CCNE2: variants seen among roughly 807,000 people sequenced by gnomAD.
The protein encoded by CCNE2 is cyclin E2, also known as G1/S-specific cyclin-E2.
In CCNE2, 18 loss-of-function variants were observed where a neutral mutation model predicts 56.8. The observed-to-expected ratio is 0.32, with a 90% CI of 0.22 to 0.47. CCNE2 has a LOEUF of 0.47. Ranked by LOEUF, CCNE2 falls within the 20% of genes least tolerant of loss-of-function variation. The probability of loss-of-function intolerance (pLI) is 1.00; values close to 1 mark genes in which losing one functional copy is unlikely to be tolerated. For missense variants in CCNE2, 371 were observed against 467.1 expected, an observed-to-expected ratio of 0.79 and a Z score of 1.90; for synonymous variants, 139 against 149.2, an observed-to-expected ratio of 0.93 and a Z score of 0.50.
chr8:94,896,366 C>T (rs1817573843), upstream of CCNE2: 1 of 146,488 alleles, frequency 6.8e-6, no homozygotes. Flanking sequence ...GGAGGGGGGC[C>T]CGACGCTCTT....
chr8:94,890,684 C>G lies in CCNE2; in HGVS notation c.318-134G>C. ...CTTGGCTCACTGTAATCTCCACCTC[C>G]TGGGTTCAAGCGATTCTTGTGCCTC... is the stretch of plus-strand genomic sequence containing the variant. On this transcript the variant is annotated intron_variant, in intron 5 of 11. Coordinates refer to ENST00000308108, the MANE Select transcript of CCNE2 (RefSeq NM_057749.3). The G allele has an allele frequency of 9.0e-6, 2 of 223,376 alleles. 1 individual carries two copies. The highest frequency in any genetic ancestry group is 1.6e-5 in the Non-Finnish European group (2 of 122,508). The allele number at this position is 223,376 out of a possible 1,614,324, so 13.8% of individuals were successfully genotyped here.
At chr8:94,881,876 A>G in intron 11 of CCNE2, 131 bp from the exon 12 acceptor site, 2 of 1,118,076 alleles carry the variant, frequency 1.8e-6, no homozygotes, top group East Asian at 4.9e-5. Context: ...GAAGGGTCAT[A>G]TTCTGAAAGT....
chr8:94,883,838 T>G, intron 9 of CCNE2: 1 of 455,338 alleles, frequency 2.2e-6, no homozygotes. Flanking sequence ...TTTCACAGAT[T>G]TGAGAAGATA....
chr8:94,893,752 G>A, intron 4 of CCNE2, 139 bp downstream of exon 4: 2 of 821,306 alleles, frequency 2.4e-6, no homozygotes, highest in Admixed American at 2.4e-5. Flanking sequence ...AAAGATAGGC[G>A]CCTTCCTGCT....
Position 94,882,159 on chromosome 8 carries a change from C to G in CCNE2, c.1074G>C (p.Gln358His). ...GCATAGCCAAATAGTTTGTATGTGT[C>G]TGGATATTATGTCTGTCTTCCATAG... ...KIPMEDRHNI[Q>H]THTNYLAMLE... Residue 358 changes from glutamine to histidine, a missense_variant, in exon 11 of 12, where the codon CAG (glutamine) becomes CAC (histidine). Gln to His is a conservative substitution (Grantham distance 24). Transcript: ENST00000308108. The G allele has an allele frequency of 6.2e-7, 1 of 1,612,212 alleles. No individual in the cohort carries two copies. Among genetic ancestry groups the G allele is most frequent in the Non-Finnish European group, 8.5e-7 (1 of 1,179,354 alleles).
Position 94,880,784 on chromosome 8 carries a change from G to T in CCNE2, c.*848C>A, listed in dbSNP as rs1816779091. 2 of 398,074 alleles carry T rather than the reference G, an allele frequency of 5.0e-6. No individual in the cohort carries two copies. The allele number at this position is 398,074 out of a possible 1,614,324, so 24.7% of individuals were successfully genotyped here. ...TAAATTAAAAAAAAAAATTCCTTAG[G>T]GATATCTTAGAGTAGTAAAGTGACT... On this transcript the variant is annotated 3_prime_UTR_variant, in exon 12 of 12. Coordinates refer to ENST00000308108, the MANE Select transcript of CCNE2 (RefSeq NM_057749.3).
chr8:94,884,819 CA>C (rs1563680512), intron 9 of CCNE2: 2 of 326,410 alleles, frequency 6.1e-6, no homozygotes, highest in East Asian at 1.0e-4. Context: ...CATTTTATAT[CA>C]AAAAGAGATA....
At chr8:94,893,806 C>A (rs28399556) in intron 4 of CCNE2, 85 bp downstream of exon 4, 27,824 of 1,343,110 alleles carry the variant, frequency 0.021, 811 homozygotes, top group African/African-American at 0.12. Context: ...AGGAATCTAT[C>A]GCAAAGCAAT....
chr8:94,889,148 C>CA (rs763468581), intron 6 of CCNE2, among the ~76,000 whole-genome samples: 140 of 111,900 alleles, frequency 1.3e-3, no homozygotes, highest in East Asian at 9.4e-3. Context: ...GGCTCCGTCT[C>CA]AAAAAAAAAA....
chr8:94,891,692 A>AT (rs2131119447), intron 5 of CCNE2: 1 of 591,178 alleles, frequency 1.7e-6, no homozygotes, highest in East Asian at 3.4e-5. Context: ...ACCATGAAGT[A>AT]TTTTTAAAAT....
intron 4 of CCNE2, chr8:94,893,528 G>A (rs113515605): frequency 7.1e-5 from 15 of 211,966 alleles, no homozygotes; most frequent in African/African-American, 2.5e-4. Flanking sequence ...GTGCCAGGCT[G>A]TCAGTGATCT....
At chr8:94,882,342 A>C in intron 10 of CCNE2, 53 bp from the exon 11 acceptor site, 1 of 1,371,452 alleles carries the variant, frequency 7.3e-7, no homozygotes. Context: ...ATCAGAAACT[A>C]TCTTACATAT....
At chr8:94,882,349 A>C (rs1381543830) in intron 10 of CCNE2, 60 bp from the exon 11 acceptor site, 11 of 1,319,666 alleles carry the variant, frequency 8.3e-6, no homozygotes, top group Non-Finnish European at 1.1e-5. Flanking sequence ...ACTATCTTAC[A>C]TATGTCTGAT....
At chr8:94,892,396 C>T (rs1233456661) in intron 5 of CCNE2, among the ~76,000 whole-genome samples, 1 of 152,104 alleles carries the variant, frequency 6.6e-6, no homozygotes, top group Non-Finnish European at 1.5e-5. Context: ...TAGTTACACT[C>T]ATGGACTAGA....
At chr8:94,894,280 T>G (rs1817369110) in intron 1 of CCNE2, 33 bp from the exon 2 acceptor site, 1 of 1,605,360 alleles carries the variant, frequency 6.2e-7, no homozygotes, top group East Asian at 2.2e-5. Context: ...CGCAGTCAAG[T>G]ACATTGTCAT....
chr8:94,894,283 A>G (rs1296471165), intron 1 of CCNE2, 36 bp from the exon 2 acceptor site: 1 of 1,603,124 alleles, frequency 6.2e-7, no homozygotes, highest in Non-Finnish European at 8.5e-7. Context: ...AGTCAAGTAC[A>G]TTGTCATTCA....
In CCNE2 at chr8:94,883,173, G is replaced by A. The variant is rs970370299; in HGVS notation, c.832-281C>T. Among the ~76,000 whole-genome samples, 5 of 152,108 alleles carry A rather than the reference G, an allele frequency of 3.3e-5. No homozygotes were observed. The East Asian group carries it at 7.7e-4, about 23-fold the overall frequency. On this transcript the variant is annotated intron_variant, in intron 9 of 11. Transcript: ENST00000308108. ...CGCCTGTAGTCCCAGCTACTCGGGA[G>A]GCTGAGGCAGGAGAATGGCGTGAAC...
intron 8 of CCNE2, 44 bp from the exon 9 acceptor site, chr8:94,885,245 C>A (rs1310779139): frequency 6.5e-7 from 1 of 1,546,190 alleles, no homozygotes; most frequent in African/African-American, 1.4e-5. Context: ...AATGTAGACA[C>A]ATACACCACA....
At chr8:94,886,423 C>T (rs942976031) in intron 7 of CCNE2, among the ~76,000 whole-genome samples, 14 of 151,934 alleles carry the variant, frequency 9.2e-5, no homozygotes, top group East Asian at 5.8e-4. Context: ...GACACCCTGC[C>T]GGGTGCAGTG....
Sources: gnomAD v4.1 joint callset for allele counts (sites outside exome capture counted in the v4.1 genomes callset) on GRCh38, gnomAD v4.1.1 for gene constraint, MANE v1.5 for transcripts, NCBI Gene and HGNC (gene_info 2026-07-23, HGNC 2026-07-21) for gene names.